ANK2: variants seen among roughly 807,000 people sequenced by gnomAD.
ANK2 encodes ankyrin-2.
Under a neutral mutation model 360.5 loss-of-function variants are expected in ANK2, and 83 were observed. That is an observed-to-expected ratio of 0.23 (90% confidence interval 0.19 to 0.28). The LOEUF (loss-of-function observed/expected upper bound fraction) is 0.28. Among genes scored for constraint, ANK2 ranks in the 10% least tolerant of loss-of-function variants. ANK2 has a pLI of 1.00. For missense variants in ANK2, 4,201 were observed against 4,795.7 expected (o/e 0.88, Z 3.66); for synonymous variants, 1,740 against 1,759.5 (o/e 0.99, Z 0.28).
At position 113,178,886 on chromosome 4, in the gene ANK2, T is replaced by G. The variant is rs77252130; in HGVS notation, c.186+4369T>G. 2.5e-3 allele frequency among the ~76,000 whole-genome samples: 383 copies of G among 152,322 alleles called. 2 individuals carry two copies. The highest frequency in any genetic ancestry group is 8.9e-3 in the African/African-American group (368 of 41,576). On this transcript the variant is annotated intron_variant, in intron 2 of 45. Transcript: ENST00000357077. ...TCTGTGTCCCAAGTCCAAGCTTTTT[T>G]CTGCTGCAGGATATCTTTTTGAGTA...
At chr4:112,950,074 T>G (rs1022025668) in intron 2 of ANK2, among the ~76,000 whole-genome samples, 1 of 152,192 alleles carries the variant, frequency 6.6e-6, no homozygotes, top group Non-Finnish European at 1.5e-5. Context: ...TCTTCACAAT[T>G]TTTGTAAACC....
At chr4:112,961,474 A>C (rs1477450063) in intron 2 of ANK2, among the ~76,000 whole-genome samples, 4 of 152,200 alleles carry the variant, frequency 2.6e-5, no homozygotes, top group African/African-American at 4.8e-5. Flanking sequence ...TATTTTTCTG[A>C]AAGAAAAAGT....
intron 1 of ANK2, chr4:112,827,297 A>G: frequency 9.2e-7 from 1 of 1,083,666 alleles, no homozygotes; most frequent in East Asian, 2.3e-5. Flanking sequence ...AATAAAGAAG[A>G]TCCAGAACAG....
At chr4:113,032,662 A>G (rs540644249) in intron 2 of ANK2, among the ~76,000 whole-genome samples, 10 of 152,062 alleles carry the variant, frequency 6.6e-5, no homozygotes, top group Non-Finnish European at 1.5e-4. Context: ...AGTCAGTGAT[A>G]CCAGTGAAAG....
the ANK2 span, among the ~76,000 whole-genome samples, chr4:112,754,111 G>GTA: frequency 0.02 from 2,172 of 111,282 alleles, 31 homozygotes; most frequent in Non-Finnish European, 0.028. Context: ...AAAAAAAAAA[G>GTA]TATATATATA....
chr4:113,050,989 T>A (rs1225049474), intron 1 of ANK2, among the ~76,000 whole-genome samples: 1 of 152,146 alleles, frequency 6.6e-6, no homozygotes, highest in Non-Finnish European at 1.5e-5. Context: ...GAAATAAGCA[T>A]GTGATGATTT....
chr4:112,937,336 T>G (rs974109217), intron 2 of ANK2, among the ~76,000 whole-genome samples: 116 of 151,970 alleles, frequency 7.6e-4, no homozygotes, highest in South Asian at 1.3e-3. Context: ...GTCTTTTTTT[T>G]TTTTTTTTGA....
At chr4:112,882,081 A>G in intron 1 of ANK2, 1 of 351,964 alleles carries the variant, frequency 2.8e-6, no homozygotes, top group Non-Finnish European at 5.2e-6. Flanking sequence ...CGGTTGTTTC[A>G]AAGCTCAGCC....
intron 43 of ANK2, among the ~76,000 whole-genome samples, chr4:113,371,677 C>T (rs938454736): frequency 1.3e-5 from 2 of 152,166 alleles, no homozygotes; most frequent in Non-Finnish European, 2.9e-5. Context: ...CAATTTTAAT[C>T]ACTTTTCTTG....
At chr4:113,024,251 A>G (rs551917316) in intron 2 of ANK2, among the ~76,000 whole-genome samples, 33 of 152,290 alleles carry the variant, frequency 2.2e-4, no homozygotes, top group African/African-American at 7.7e-4. Context: ...GGTTTAATAA[A>G]GAATAAAATA....
In ANK2 at chr4:113,358,608, A is replaced by G. The variant is rs777870973; in HGVS notation, c.9990A>G (p.Leu3330=). The change falls in exon 38 of 46, where the codon CTA becomes CTG. Residue 3330 remains leucine, a synonymous_variant. Transcript: ENST00000357077. ...EYESSVSEDF[L]SSVDEENKAD... ...AGAGTTCAGTTTCTGAAGATTTTCT[A>G]TCCAGTGTAGATGAGGAAAATAAGG... The G allele has an allele frequency of 6.2e-7, 1 of 1,614,062 alleles. No homozygotes were observed. The highest frequency in any genetic ancestry group is 8.5e-7 in the Non-Finnish European group (1 of 1,179,954).
At chr4:113,115,962 T>C (rs970099583) in intron 1 of ANK2, among the ~76,000 whole-genome samples, 2 of 152,170 alleles carry the variant, frequency 1.3e-5, no homozygotes, top group Non-Finnish European at 1.5e-5. Context: ...ATATACAATA[T>C]AGTGGTATGA....
chr4:113,002,658 G>A (rs573153367), intron 2 of ANK2, among the ~76,000 whole-genome samples: 1 of 152,158 alleles, frequency 6.6e-6, no homozygotes, highest in East Asian at 1.9e-4. Context: ...ATTGAAATAG[G>A]CTTCTTTTTT....
chr4:113,194,145 T>A (rs1584513225), intron 2 of ANK2, among the ~76,000 whole-genome samples: 1 of 152,316 alleles, frequency 6.6e-6, no homozygotes, highest in African/African-American at 2.4e-5. Context: ...GAGCACTTAG[T>A]GGGTACCTAG....
chr4:113,049,573 G>A (rs903402453), upstream of ANK2: 4 of 1,438,202 alleles, frequency 2.8e-6, no homozygotes, highest in African/African-American at 1.4e-5. Flanking sequence ...GGCAGCTGCT[G>A]CCATGGCAAC....
intron 1 of ANK2, among the ~76,000 whole-genome samples, chr4:112,898,606 C>T (rs1009666088): frequency 1.3e-5 from 2 of 152,068 alleles, no homozygotes; most frequent in Non-Finnish European, 2.9e-5. Context: ...CTGAAGCCAA[C>T]CATTTTTAAA....
At chr4:113,033,143 G>A (rs1436865866) in intron 2 of ANK2, among the ~76,000 whole-genome samples, 1 of 151,948 alleles carries the variant, frequency 6.6e-6, no homozygotes, top group Non-Finnish European at 1.5e-5. Flanking sequence ...TTGATAAATA[G>A]GGACCAAGGA....
chr4:113,015,474 A>C (rs924466273), intron 2 of ANK2, among the ~76,000 whole-genome samples: 2 of 152,210 alleles, frequency 1.3e-5, no homozygotes, highest in Non-Finnish European at 2.9e-5. Flanking sequence ...TGCCCTGCCT[A>C]CTGAATCTTC....
rs2153602074 is a variant in ANK2, at chr4:113,249,875, G to A, written c.990+13G>A. ...GGCAAGGACTAAGGTGAGTCATTAT[G>A]AGTAAGATGGGGTCCTAAGAAATCT... On this transcript the variant is annotated intron_variant, in intron 10 of 45. Transcript: ENST00000357077. 6.2e-7 allele frequency: 1 copy of A among 1,608,272 alleles called. No homozygotes were observed. The highest frequency in any genetic ancestry group is 1.1e-5 in the South Asian group (1 of 90,612).
Sources: gnomAD v4.1 joint callset for allele counts (sites outside exome capture counted in the v4.1 genomes callset) on GRCh38, gnomAD v4.1.1 for gene constraint, MANE v1.5 for transcripts, NCBI Gene and HGNC (gene_info 2026-07-23, HGNC 2026-07-21) for gene names.